Variants in CEP63 observed in about 807,000 individuals in gnomAD.
The protein encoded by CEP63 is centrosomal protein 63, also known as centrosomal protein of 63 kDa.
Under a neutral mutation model 89.1 loss-of-function variants are expected in CEP63, and 84 were observed. That is an observed-to-expected ratio of 0.94 (90% CI 0.79 to 1.13). The LOEUF (loss-of-function observed/expected upper bound fraction) is 1.13, where lower values mean the gene tolerates loss of function less well. CEP63 is among the 50% of genes most tolerant of loss of function. The pLI is 0.00. For synonymous variants in CEP63, 267 were observed against 272.5 expected (o/e 0.98, Z 0.20); for missense variants, 838 against 813.3 (o/e 1.03, Z -0.37).
chr3:134,608,942 G>T, the CEP63 span: 20 of 1,341,998 alleles, frequency 1.5e-5, no homozygotes, highest in Non-Finnish European at 2.0e-5. Flanking sequence ...ATGGGAAGAG[G>T]CACCATCTCC....
chr3:134,766,903 C>T, the CEP63 span, among the ~76,000 whole-genome samples: 1 of 152,230 alleles, frequency 6.6e-6, no homozygotes, highest in Non-Finnish European at 1.5e-5. Flanking sequence ...CCCTGACCAA[C>T]CCTGTTTTTA....
downstream of CEP63, among the ~76,000 whole-genome samples, chr3:134,568,121 C>G (rs533631242): frequency 3.9e-5 from 6 of 152,146 alleles, no homozygotes; most frequent in Non-Finnish European, 7.4e-5. Flanking sequence ...TCTGGAGTGG[C>G]TATCCCTTTG....
intron 3 of CEP63, among the ~76,000 whole-genome samples, chr3:134,528,471 A>C (rs926727106): frequency 9.2e-5 from 14 of 152,000 alleles, no homozygotes; most frequent in African/African-American, 2.9e-4. Context: ...AAATCATTTA[A>C]AGTTTTTATA....
chr3:134,494,509 G>A (rs975459686), intron 1 of CEP63, among the ~76,000 whole-genome samples: 1 of 152,088 alleles, frequency 6.6e-6, no homozygotes, highest in African/African-American at 2.4e-5. Context: ...CAGTTTGCAT[G>A]GGGGAGAGGG....
At chr3:134,555,718 A>AT (rs1956011888) in intron 12 of CEP63, among the ~76,000 whole-genome samples, 1 of 151,754 alleles carries the variant, frequency 6.6e-6, no homozygotes, top group Admixed American at 6.6e-5. Flanking sequence ...TTACAGATTC[A>AT]ATGCCATCCC....
chr3:134,664,226 G>C, the CEP63 span, among the ~76,000 whole-genome samples: 1 of 152,200 alleles, frequency 6.6e-6, no homozygotes, highest in Admixed American at 6.5e-5. Context: ...CTAGGAACCA[G>C]GGAGTTGAAG....
chr3:134,659,025 CA>C, the CEP63 span, among the ~76,000 whole-genome samples: 2 of 152,182 alleles, frequency 1.3e-5, no homozygotes, highest in Non-Finnish European at 2.9e-5. Flanking sequence ...CATCTTCTTG[CA>C]TATAATAATG....
the CEP63 span, among the ~76,000 whole-genome samples, chr3:134,774,712 T>C: frequency 6.6e-6 from 1 of 152,162 alleles, no homozygotes; most frequent in African/African-American, 2.4e-5. Context: ...CCCATTTGGG[T>C]CAGTATGGCA....
the CEP63 span, chr3:134,608,607 C>T: frequency 1.2e-6 from 2 of 1,613,840 alleles, no homozygotes; most frequent in Non-Finnish European, 1.7e-6. Flanking sequence ...GCGAAATGCT[C>T]CATTCCTGCT....
chr3:134,504,966 C>G (rs71331765), intron 2 of CEP63, among the ~76,000 whole-genome samples: 16,985 of 152,078 alleles, frequency 0.11, 1,296 homozygotes, highest in Non-Finnish European at 0.17. Flanking sequence ...CTGTTTGGCT[C>G]TTTTTAATGA....
the CEP63 span, among the ~76,000 whole-genome samples, chr3:134,753,028 T>TGGGCACGAAGG: frequency 3.3e-5 from 5 of 152,208 alleles, no homozygotes; most frequent in South Asian, 1.0e-3. Flanking sequence ...AGGCACGAAG[T>TGGGCACGAAGG]GGGCACGAAG....
At chr3:134,499,110 T>C (rs116089858) in intron 2 of CEP63, among the ~76,000 whole-genome samples, 1,678 of 152,326 alleles carry the variant, frequency 0.011, 36 homozygotes, top group African/African-American at 0.039. Flanking sequence ...TTGAGAAGAA[T>C]TGATGTTCTT....
At chr3:134,560,597 A>T (rs1163323900) in intron 14 of CEP63, among the ~76,000 whole-genome samples, 1 of 152,234 alleles carries the variant, frequency 6.6e-6, no homozygotes, top group Non-Finnish European at 1.5e-5. Context: ...TCCCAGCTTC[A>T]GCACCAGTTA....
In CEP63 at chr3:134,531,907, A is replaced by C. The variant is rs1438576749; in HGVS notation, c.285A>C (p.Glu95Asp). The C allele has an allele frequency of 6.2e-7, 1 of 1,613,248 alleles. No individual in the cohort carries two copies. The highest frequency in any genetic ancestry group is 1.3e-5 in the African/African-American group (1 of 74,924). ...HEKIKQEMTM[E>D]YKQELKKLHE... ...AAATCAAGCAAGAGATGACCATGGA[A>C]TATAAGCAGGAGTTGAAGAAACTAC... Residue 95 changes from glutamate (E) to aspartate (D), a missense_variant, in exon 4 of 15, where the codon GAA (glutamate) becomes GAC (aspartate). Physicochemically the swap from Glu to Asp is conservative, Grantham distance 45. Transcript: ENST00000675561.
the CEP63 span, among the ~76,000 whole-genome samples, chr3:134,695,570 G>T: frequency 6.6e-6 from 1 of 152,186 alleles, no homozygotes; most frequent in East Asian, 1.9e-4. Context: ...TGCCACATGT[G>T]CTGGCTGTGG....
Position 134,564,504 on chromosome 3 carries a change from G to A in CEP63, c.*2969G>A, listed in dbSNP as rs895394754. 4.1e-6 allele frequency: 4 copies of A among 985,318 alleles called. No homozygotes were observed. Among genetic ancestry groups the A allele is most frequent in the Non-Finnish European group, 4.8e-6 (4 of 829,922 alleles). The allele number at this position is 985,318 out of a possible 1,614,324, so 61.0% of individuals were successfully genotyped here. On this transcript the variant is annotated 3_prime_UTR_variant, in exon 15 of 15. Transcript: ENST00000675561. ...TCCGCTTTGATTTCTGTCTTTCAGG[G>A]GCTAAGTCCTGCCTACATCCTCAGT...
At chr3:134,540,073 T>C (rs1351184836) in intron 6 of CEP63, among the ~76,000 whole-genome samples, 1 of 152,178 alleles carries the variant, frequency 6.6e-6, no homozygotes, top group African/African-American at 2.4e-5. Flanking sequence ...TAGCAAAGTG[T>C]TGATAATTTT....
intron 1 of CEP63, chr3:134,486,410 C>A: frequency 1.0e-6 from 1 of 985,506 alleles, no homozygotes; most frequent in Non-Finnish European, 1.2e-6. Context: ...GGGTCCGCCC[C>A]GAAGCCCAGT....
chr3:134,591,173 G>A (rs768364845), downstream of CEP63, among the ~76,000 whole-genome samples: 24 of 152,306 alleles, frequency 1.6e-4, no homozygotes, highest in Middle Eastern at 3.4e-3. Context: ...CTGTAGGTAG[G>A]AAATTATTCT....
Sources: allele counts gnomAD v4.1 joint callset (sites outside exome capture counted in the v4.1 genomes callset), GRCh38; gene constraint gnomAD v4.1.1; transcripts MANE v1.5; gene names NCBI Gene and HGNC (gene_info 2026-07-23, HGNC 2026-07-21).